The following ST6GALNAC3 variants were observed in gnomAD, a reference collection of about 807,000 sequenced individuals.
The protein encoded by ST6GALNAC3 is alpha-N-acetylgalactosaminide alpha-2,6-sialyltransferase 3.
In ST6GALNAC3, 25 loss-of-function variants were observed where a neutral mutation model predicts 32.7. The observed-to-expected ratio is 0.76, with a 90% CI of 0.56 to 1.07. The LOEUF is 1.07. ST6GALNAC3 is among the 50% of genes least tolerant of loss of function. The probability of loss-of-function intolerance (pLI) is 0.00; values close to 1 mark genes in which losing one functional copy is unlikely to be tolerated. For synonymous variants in ST6GALNAC3, 129 were observed against 133.1 expected (o/e 0.97, Z 0.21); for missense variants, 355 against 382.4 (o/e 0.93, Z 0.60).
At chr1:76,296,511 C>T (rs1660414319) in intron 1 of ST6GALNAC3, among the ~76,000 whole-genome samples, 1 of 152,110 alleles carries the variant, frequency 6.6e-6, no homozygotes. Flanking sequence ...TCTCAATCTG[C>T]AAATTCCTGT....
chr1:76,549,442 T>C (rs963235201), intron 3 of ST6GALNAC3, among the ~76,000 whole-genome samples: 1 of 151,298 alleles, frequency 6.6e-6, no homozygotes, highest in Admixed American at 6.6e-5. Flanking sequence ...ATAAATATTA[T>C]ATTTTGTATA....
chr1:76,168,373 C>G (rs1403628729), intron 1 of ST6GALNAC3, among the ~76,000 whole-genome samples: 6 of 152,100 alleles, frequency 3.9e-5, no homozygotes, highest in Admixed American at 6.6e-5. Flanking sequence ...AGTTCTTTTG[C>G]ATTTGCTGAG....
intron 1 of ST6GALNAC3, among the ~76,000 whole-genome samples, chr1:76,220,234 C>T (rs1655691647): frequency 6.6e-6 from 1 of 152,046 alleles, no homozygotes; most frequent in Admixed American, 6.6e-5. Context: ...CAGTCTGCTT[C>T]TAGATGACTT....
intron 3 of ST6GALNAC3, among the ~76,000 whole-genome samples, chr1:76,535,252 C>A (rs546750555): frequency 6.6e-5 from 10 of 152,122 alleles, no homozygotes; most frequent in African/African-American, 2.4e-4. Flanking sequence ...ATAGTGTCTA[C>A]TATTATTTTT....
chr1:76,348,829 C>G (rs1206505252), intron 2 of ST6GALNAC3, among the ~76,000 whole-genome samples: 1 of 152,180 alleles, frequency 6.6e-6, no homozygotes, highest in Admixed American at 6.5e-5. Flanking sequence ...GTGCCAGCCA[C>G]TCTGGTTATG....
intron 1 of ST6GALNAC3, among the ~76,000 whole-genome samples, chr1:76,118,853 C>T (rs930426753): frequency 6.6e-6 from 1 of 152,106 alleles, no homozygotes; most frequent in Non-Finnish European, 1.5e-5. Context: ...GGTGGAGTCT[C>T]ACTCTGTCGC....
At chr1:76,134,336 T>G (rs1649801490) in intron 1 of ST6GALNAC3, among the ~76,000 whole-genome samples, 1 of 152,248 alleles carries the variant, frequency 6.6e-6, no homozygotes, top group African/African-American at 2.4e-5. Flanking sequence ...AGTTGGCACT[T>G]TCCATATAAA....
intron 3 of ST6GALNAC3, among the ~76,000 whole-genome samples, chr1:76,533,109 T>C (rs1339443289): frequency 1.3e-5 from 2 of 152,186 alleles, no homozygotes; most frequent in South Asian, 2.1e-4. Context: ...TGGAGACTTA[T>C]GCAAGTCATT....
chr1:76,306,498 C>A (rs747590196), intron 1 of ST6GALNAC3, among the ~76,000 whole-genome samples: 6 of 152,096 alleles, frequency 3.9e-5, no homozygotes, highest in Non-Finnish European at 8.8e-5. Flanking sequence ...GTCAGTATGT[C>A]ACCTTCAGAC....
intron 3 of ST6GALNAC3, chr1:76,576,790 T>C (rs1286288918): frequency 8.0e-7 from 1 of 1,253,190 alleles, no homozygotes; most frequent in Non-Finnish European, 1.1e-6. Flanking sequence ...AAGTAGTGAT[T>C]TGCATGTCTA....
At chr1:76,355,847 CT>C (rs1649396598) in intron 2 of ST6GALNAC3, among the ~76,000 whole-genome samples, 1 of 152,140 alleles carries the variant, frequency 6.6e-6, no homozygotes, top group Admixed American at 6.5e-5. Flanking sequence ...GTCAGAGTTT[CT>C]TTTTTCTGCC....
rs766840530 is a variant in ST6GALNAC3 at position 76,266,519 on chromosome 1, T to G, written c.19-47286T>G. ...TCATCAGATGTGGAATAAAGGCTTC[T>G]GGAACAGCAGATGTGGTTTTCTACC... is the stretch of plus-strand genomic sequence containing the variant. On this transcript the variant is annotated intron_variant, in intron 1 of 4. Transcript: ENST00000328299. 2.0e-4 allele frequency among the ~76,000 whole-genome samples: 31 copies of G among 152,334 alleles called. 1 individual carries two copies. In the South Asian group the frequency reaches 2.1e-3, roughly 10 times the overall value.
At chr1:76,154,821 A>G (rs1051188090) in intron 1 of ST6GALNAC3, among the ~76,000 whole-genome samples, 3 of 152,142 alleles carry the variant, frequency 2.0e-5, no homozygotes, top group African/African-American at 7.2e-5. Flanking sequence ...AATACAAGCC[A>G]TATTTCACCA....
At chr1:76,214,130 A>G (rs754070901) in intron 1 of ST6GALNAC3, among the ~76,000 whole-genome samples, 6 of 152,132 alleles carry the variant, frequency 3.9e-5, no homozygotes, top group Non-Finnish European at 8.8e-5. Context: ...GCACAGCCCA[A>G]TATGGCAGCC....
chr1:76,175,103 C>A (rs931373390), intron 1 of ST6GALNAC3, among the ~76,000 whole-genome samples: 1 of 152,118 alleles, frequency 6.6e-6, no homozygotes, highest in African/African-American at 2.4e-5. Flanking sequence ...TCTTAAACAT[C>A]TTTACATATT....
At chr1:76,367,953 C>A (rs988590792) in intron 2 of ST6GALNAC3, among the ~76,000 whole-genome samples, 2 of 152,158 alleles carry the variant, frequency 1.3e-5, no homozygotes, top group Admixed American at 1.3e-4. Context: ...GTCTGACTTG[C>A]AAAGTGCACA....
chr1:76,598,176 T>C (rs1647167176), intron 3 of ST6GALNAC3, among the ~76,000 whole-genome samples: 1 of 152,094 alleles, frequency 6.6e-6, no homozygotes, highest in Non-Finnish European at 1.5e-5. Flanking sequence ...ACTAATCCTA[T>C]TCATGAGGGC....
intron 2 of ST6GALNAC3, among the ~76,000 whole-genome samples, chr1:76,321,662 G>A (rs1326213321): frequency 2.6e-5 from 4 of 152,166 alleles, no homozygotes; most frequent in Non-Finnish European, 4.4e-5. Flanking sequence ...CCATCAGTCA[G>A]TGCAGGTGTC....
At chr1:76,295,913 A>AG (rs1489139109) in intron 1 of ST6GALNAC3, among the ~76,000 whole-genome samples, 1 of 152,094 alleles carries the variant, frequency 6.6e-6, no homozygotes, top group East Asian at 1.9e-4. Flanking sequence ...TGAAATCCAT[A>AG]GGGGAATTTC....
Sources: gnomAD v4.1 joint callset for allele counts (sites outside exome capture counted in the v4.1 genomes callset) on GRCh38, gnomAD v4.1.1 for gene constraint, MANE v1.5 for transcripts, NCBI Gene and HGNC (gene_info 2026-07-23, HGNC 2026-07-21) for gene names.